ERBB4: variants seen among roughly 807,000 people sequenced by gnomAD.
The protein encoded by ERBB4 is receptor tyrosine-protein kinase erbB-4.
A neutral mutation model predicts 158.0 loss-of-function variants in ERBB4; 42 were observed. That is an observed-to-expected ratio of 0.27 (90% confidence interval 0.21 to 0.34). The LOEUF (loss-of-function observed/expected upper bound fraction) is 0.34, where lower values mean the gene tolerates loss of function less well. Ranked by LOEUF, ERBB4 falls within the 10% of genes least tolerant of loss-of-function variation. The pLI is 1.00. For synonymous variants in ERBB4, 583 were observed against 558.7 expected (o/e 1.04, Z -0.61); for missense variants, 1,333 against 1,624.1 (o/e 0.82, Z 3.08).
chr2:211,740,361 T>C (rs563793174), intron 5 of ERBB4, among the ~76,000 whole-genome samples: 4 of 152,246 alleles, frequency 2.6e-5, no homozygotes, highest in Admixed American at 1.3e-4. Flanking sequence ...CCCATGGTAA[T>C]GGAGAGATGC....
At chr2:211,701,621 G>A (rs1478719254) in intron 12 of ERBB4, among the ~76,000 whole-genome samples, 4 of 151,748 alleles carry the variant, frequency 2.6e-5, no homozygotes, top group Admixed American at 6.6e-5. Context: ...AGCCGGGCGC[G>A]GCGGCGGGCG....
chr2:212,304,821 AAC>A (rs779542628), intron 1 of ERBB4, among the ~76,000 whole-genome samples: 73 of 151,498 alleles, frequency 4.8e-4, no homozygotes, highest in Non-Finnish European at 8.1e-4. Context: ...ACAATAAAAA[AAC>A]AGTGTCTAGA....
chr2:212,197,866 T>C (rs2082476447), intron 1 of ERBB4, among the ~76,000 whole-genome samples: 1 of 152,196 alleles, frequency 6.6e-6, no homozygotes, highest in Admixed American at 6.5e-5. Context: ...AACTTACTGT[T>C]ATAACTAGAG....
intron 3 of ERBB4, among the ~76,000 whole-genome samples, chr2:211,863,312 C>G (rs990712156): frequency 2.6e-5 from 4 of 152,150 alleles, no homozygotes; most frequent in African/African-American, 9.7e-5. Context: ...TAAAATGGAC[C>G]AATCAGCAGG....
At chr2:211,445,268 T>C (rs1430009750) in intron 20 of ERBB4, among the ~76,000 whole-genome samples, 3 of 152,122 alleles carry the variant, frequency 2.0e-5, no homozygotes, top group African/African-American at 7.2e-5. Flanking sequence ...TCAATTGGGA[T>C]ACTATAATAC....
intron 20 of ERBB4, among the ~76,000 whole-genome samples, chr2:211,431,587 T>C (rs528792127): frequency 1.3e-5 from 2 of 152,290 alleles, no homozygotes; most frequent in South Asian, 4.1e-4. Context: ...CCATTATAGA[T>C]TCTATGGAGG....
intron 3 of ERBB4, among the ~76,000 whole-genome samples, chr2:211,902,844 A>G (rs1197100400): frequency 6.6e-6 from 1 of 151,968 alleles, no homozygotes; most frequent in Admixed American, 6.6e-5. Flanking sequence ...ATTAAGAGCA[A>G]CACAAAGCAA....
In ERBB4 at chr2:211,794,545, C is replaced by G. The variant is rs375937652; in HGVS notation, c.422-6386G>C. Among the ~76,000 whole-genome samples the G allele has an allele frequency of 1.1e-3, 168 of 151,838 alleles. 2 individuals are homozygous for G. In the South Asian group the frequency reaches 0.033, roughly 30 times the overall value. ...AATGATAACATCCATAGAACATGAC[C>G]AACTTTTGTAAAAAATTACTTGCTT... is the stretch of plus-strand genomic sequence containing the variant. On this transcript the variant is annotated intron_variant, in intron 3 of 27. Coordinates refer to ENST00000342788, the MANE Select transcript of ERBB4 (RefSeq NM_005235.3).
At chr2:212,501,855 C>G (rs7575714) in intron 1 of ERBB4, among the ~76,000 whole-genome samples, 3,539 of 151,970 alleles carry the variant, frequency 0.023, 145 homozygotes, top group African/African-American at 0.081. Flanking sequence ...AGAAAGCCAT[C>G]GAAATATAAA....
intron 1 of ERBB4, among the ~76,000 whole-genome samples, chr2:212,297,541 C>A (rs956025227): frequency 7.2e-5 from 11 of 151,776 alleles, no homozygotes; most frequent in African/African-American, 2.7e-4. Context: ...GATAATATAT[C>A]TAAAGCTAAT....
At chr2:212,436,160 T>C (rs1195137354) in intron 1 of ERBB4, among the ~76,000 whole-genome samples, 1 of 151,938 alleles carries the variant, frequency 6.6e-6, no homozygotes, top group Non-Finnish European at 1.5e-5. Context: ...AGAATAAGTT[T>C]CTAGTCAACA....
intron 2 of ERBB4, among the ~76,000 whole-genome samples, chr2:211,970,319 T>C (rs1269450768): frequency 6.6e-6 from 1 of 152,198 alleles, no homozygotes; most frequent in African/African-American, 2.4e-5. Flanking sequence ...TAATCAATTT[T>C]AGAGTAATTG....
chr2:212,331,058 G>GTATATATATATATATATATATACACA, intron 1 of ERBB4, among the ~76,000 whole-genome samples: 2 of 56,268 alleles, frequency 3.6e-5, no homozygotes, highest in Non-Finnish European at 9.5e-5. Flanking sequence ...TTTGTAATTT[G>GTATATATATATATATATATATACACA]TATATATATA....
At chr2:211,464,463 G>T (rs1047070170) in intron 20 of ERBB4, among the ~76,000 whole-genome samples, 1 of 152,094 alleles carries the variant, frequency 6.6e-6, no homozygotes, top group African/African-American at 2.4e-5. Flanking sequence ...AAACAAAATT[G>T]AAGGCTAAAT....
At chr2:211,837,916 C>T (rs188848904) in intron 3 of ERBB4, among the ~76,000 whole-genome samples, 1 of 152,060 alleles carries the variant, frequency 6.6e-6, no homozygotes, top group African/African-American at 2.4e-5. Context: ...AACTTCTAAT[C>T]TAGTGGGGAA....
At chr2:212,212,066 G>T (rs2082954634) in intron 1 of ERBB4, among the ~76,000 whole-genome samples, 2 of 151,882 alleles carry the variant, frequency 1.3e-5, no homozygotes, top group African/African-American at 4.8e-5. Flanking sequence ...GTATTCCTTT[G>T]GGTATATACC....
chr2:211,950,506 A>G (rs2080845374), intron 2 of ERBB4, among the ~76,000 whole-genome samples: 1 of 152,218 alleles, frequency 6.6e-6, no homozygotes, highest in Non-Finnish European at 1.5e-5. Flanking sequence ...CATTTTATTT[A>G]GTAATCTCTA....
rs956911107 is a variant in ERBB4, at chr2:211,375,866, A to G, written c.*7749T>C. 5 of 232,786 alleles carry G rather than the reference A, an allele frequency of 2.1e-5. No homozygotes were observed. Among genetic ancestry groups the G allele is most frequent in the Non-Finnish European group, 3.4e-5 (4 of 117,544 alleles). The allele number at this position is 232,786 out of a possible 1,614,324, so 14.4% of individuals were successfully genotyped here. On this transcript the variant is annotated 3_prime_UTR_variant, in exon 28 of 28. Coordinates refer to ENST00000342788, the MANE Select transcript of ERBB4 (RefSeq NM_005235.3). ...TGAGGCAAAGCAGTTCGCATTCTATAATTGCCTTGTACAGGTACAATTCTT... is the reference window on the plus strand; with the variant it reads ...TGAGGCAAAGCAGTTCGCATTCTATGATTGCCTTGTACAGGTACAATTCTT...
chr2:212,046,077 G>C (rs2125384252), intron 2 of ERBB4, among the ~76,000 whole-genome samples: 1 of 152,290 alleles, frequency 6.6e-6, no homozygotes, highest in East Asian at 1.9e-4. Flanking sequence ...GGATAAATGA[G>C]TAAAGATGGG....
Sources: allele counts gnomAD v4.1 joint callset (sites outside exome capture counted in the v4.1 genomes callset), GRCh38; gene constraint gnomAD v4.1.1; transcripts MANE v1.5; gene names NCBI Gene and HGNC (gene_info 2026-07-23, HGNC 2026-07-21).